PAK4: variants seen among roughly 807,000 people sequenced by gnomAD.
PAK4 encodes serine/threonine-protein kinase PAK 4.
Under a neutral mutation model 53.5 loss-of-function variants are expected in PAK4, and 49 were observed. That is an observed-to-expected ratio of 0.92 (90% CI 0.73 to 1.16). The LOEUF (loss-of-function observed/expected upper bound fraction) is 1.16, where lower values mean the gene tolerates loss of function less well. PAK4 is among the 50% of genes most tolerant of loss of function. The probability of loss-of-function intolerance (pLI) is 0.00; values close to 1 mark genes in which losing one functional copy is unlikely to be tolerated. For synonymous variants in PAK4, 376 were observed against 375.6 expected (o/e 1.00, Z -0.01); for missense variants, 824 against 850.7 (o/e 0.97, Z 0.39).
intron 1 of PAK4, among the ~76,000 whole-genome samples, chr19:39,149,392 A>G (rs932622189): frequency 5.3e-5 from 8 of 152,232 alleles, no homozygotes; most frequent in Non-Finnish European, 1.2e-4. Flanking sequence ...AGCCAGACAC[A>G]GAAGGAGAAA....
intron 1 of PAK4, among the ~76,000 whole-genome samples, chr19:39,163,549 G>A (rs2074319102): frequency 6.6e-6 from 1 of 152,272 alleles, no homozygotes; most frequent in South Asian, 2.1e-4. Context: ...AAGGTCAGAG[G>A]ATGCAGGGGG....
chr19:39,174,066 C>T, intron 4 of PAK4, 56 bp downstream of exon 5: 3 of 1,059,122 alleles, frequency 2.8e-6, no homozygotes, highest in Non-Finnish European at 4.0e-6. Flanking sequence ...CCCTCCCACC[C>T]TCCCTCCCCT....
chr19:39,165,873 C>T (rs936584746), intron 1 of PAK4, among the ~76,000 whole-genome samples: 18 of 152,212 alleles, frequency 1.2e-4, no homozygotes, highest in African/African-American at 4.1e-4. Flanking sequence ...CTCTGCCACC[C>T]TAGCTGGGCC....
intron 1 of PAK4, among the ~76,000 whole-genome samples, chr19:39,144,375 C>T (rs941794336): frequency 7.9e-5 from 12 of 152,196 alleles, no homozygotes; most frequent in Non-Finnish European, 1.6e-4. Context: ...GGAGCCTGCA[C>T]GTAACACTTT....
intron 1 of PAK4, among the ~76,000 whole-genome samples, chr19:39,127,277 T>TC (rs1264145311): frequency 1.3e-5 from 2 of 152,020 alleles, no homozygotes; most frequent in Non-Finnish European, 2.9e-5. Context: ...TGCCCATTTC[T>TC]CCCCAGCCCC....
At chr19:39,150,193 A>T (rs2074071293) in intron 1 of PAK4, among the ~76,000 whole-genome samples, 1 of 151,844 alleles carries the variant, frequency 6.6e-6, no homozygotes, top group Admixed American at 6.6e-5. Context: ...TGTTGCTGTG[A>T]CTGTCCCACC....
At chr19:39,133,863 T>A (rs2073760515) in intron 1 of PAK4, among the ~76,000 whole-genome samples, 1 of 152,206 alleles carries the variant, frequency 6.6e-6, no homozygotes, top group African/African-American at 2.4e-5. Flanking sequence ...CCGGTCTTCC[T>A]GGGCTGCGTG....
At chr19:39,149,368 T>C (rs1321480284) in intron 1 of PAK4, among the ~76,000 whole-genome samples, 1 of 152,222 alleles carries the variant, frequency 6.6e-6, no homozygotes. Flanking sequence ...GAAAACATTA[T>C]GCTTAGTGAA....
intron 6 of PAK4, 142 bp from the exon 8 acceptor site, chr19:39,176,448 C>T: frequency 1.8e-6 from 2 of 1,136,546 alleles, no homozygotes; most frequent in East Asian, 2.4e-5. Context: ...TGGCTCTAGA[C>T]CCCAGCTCTG....
chr19:39,138,015 T>A (rs1182803883), intron 1 of PAK4, among the ~76,000 whole-genome samples: 1 of 149,032 alleles, frequency 6.7e-6, no homozygotes, highest in East Asian at 2.0e-4. Flanking sequence ...AGGGTCTTGC[T>A]CTGTCACCCA....
chr19:39,170,771 C>T lies in PAK4; in HGVS notation c.204+1014C>T, dbSNP rs117934981. On this transcript the variant is annotated intron_variant, in intron 2 of 8. Transcript: ENST00000358301. ...CAATGTGGTAGCCCACTGAGGGGTC[C>T]GTGTGGTCCTTGCAGGGTGCTTTTG... 8.8e-4 allele frequency among the ~76,000 whole-genome samples: 134 copies of T among 152,334 alleles called. 2 individuals are homozygous for T. The East Asian group carries it at 0.024, about 27-fold the overall frequency.
At chr19:39,176,841 G>A in intron 7 of PAK4, 126 bp downstream of exon 8, 1 of 1,142,174 alleles carries the variant, frequency 8.8e-7, no homozygotes, top group East Asian at 2.4e-5. Context: ...CTCTGGACAA[G>A]GAGGTACTGC....
chr19:39,154,902 C>T (rs1168150262), intron 1 of PAK4, among the ~76,000 whole-genome samples: 2 of 152,146 alleles, frequency 1.3e-5, no homozygotes, highest in East Asian at 3.9e-4. Flanking sequence ...CCAGCCCCTC[C>T]TTGGACTTCC....
chr19:39,164,619 C>T (rs2074339234), intron 1 of PAK4, among the ~76,000 whole-genome samples: 1 of 152,160 alleles, frequency 6.6e-6, no homozygotes, highest in Admixed American at 6.6e-5. Context: ...TGGGGACTCT[C>T]AGGCCACGAG....
At position 39,178,239 on chromosome 19, in the gene PAK4, A is replaced by G. The variant is rs567519312; in HGVS notation, c.1621-185A>G. On this transcript the variant is annotated intron_variant, in intron 8 of 8. Transcript: ENST00000358301. This position sits in a 1 kb window ranked among gnomAD's most constrained non-coding sequence, Gnocchi z 4.4. Reference sequence around the variant, plus strand: ...CCTCTGGGGCCACATAGTAAGCGCCATCACAGGTGCCATCACTGTCCCTGT... The same window carrying G: ...CCTCTGGGGCCACATAGTAAGCGCCGTCACAGGTGCCATCACTGTCCCTGT... Among the ~76,000 whole-genome samples, 1 of 152,220 alleles carries G rather than the reference A, an allele frequency of 6.6e-6. No individual in the cohort carries two copies. The highest frequency in any genetic ancestry group is 6.5e-5 in the Admixed American group (1 of 15,292).
chr19:39,126,369 G>A (rs2073577519), intron 1 of PAK4, among the ~76,000 whole-genome samples: 1 of 137,944 alleles, frequency 7.2e-6, no homozygotes, highest in African/African-American at 2.7e-5. Context: ...AAGGTACAAA[G>A]GTGAGAATCT....
In PAK4 at chr19:39,161,739, C is replaced by G. The variant is rs2074288050; in HGVS notation, c.-22-7793C>G. Among the ~76,000 whole-genome samples, 1 of 151,890 alleles carries G rather than the reference C, an allele frequency of 6.6e-6. No homozygotes were observed. The highest frequency in any genetic ancestry group is 2.4e-5 in the African/African-American group (1 of 41,334). On this transcript the variant is annotated intron_variant, in intron 1 of 8. Transcript: ENST00000358301. The surrounding 1 kb of genome is among the most constrained non-coding windows in gnomAD (Gnocchi z 4.5). ...CTGCCCCATTACCTCCTTGGCCTGTCCTTCCACTTGCCCCCTCGCCCACCC... is the reference window on the plus strand; with the variant it reads ...CTGCCCCATTACCTCCTTGGCCTGTGCTTCCACTTGCCCCCTCGCCCACCC...
chr19:39,137,887 C>T (rs374154347), intron 1 of PAK4, among the ~76,000 whole-genome samples: 5 of 152,038 alleles, frequency 3.3e-5, no homozygotes, highest in African/African-American at 1.2e-4. Context: ...AGGATGGTCT[C>T]GATCTCCTGA....
At position 39,173,869 on chromosome 19, in the gene PAK4, C is replaced by T. The variant is rs751324387; in HGVS notation, c.957C>T (p.Ser319=). 6.2e-7 allele frequency: 1 copy of T among 1,612,828 alleles called. No individual in the cohort carries two copies. The highest frequency in any genetic ancestry group is 1.3e-5 in the African/African-American group (1 of 75,030). Residue 319 remains serine (S), a synonymous_variant, in exon 4 of 9, where the codon TCC becomes TCT. Coordinates refer to ENST00000358301, the Ensembl canonical transcript of PAK4. The surrounding 1 kb of genome is among the most constrained non-coding windows in gnomAD (Gnocchi z 6.9). Reference sequence around the variant, plus strand: ...TGGTGGACCCAGGCGACCCCCGCTCCTACCTGGACAACTTCATCAAGATTG... The same window carrying T: ...TGGTGGACCCAGGCGACCCCCGCTCTTACCTGGACAACTTCATCAAGATTG...
Sources: allele counts gnomAD v4.1 joint callset (sites outside exome capture counted in the v4.1 genomes callset), GRCh38; gene constraint gnomAD v4.1.1; non-coding constraint Gnocchi (gnomAD v3.1); transcripts MANE v1.5; gene names NCBI Gene and HGNC (gene_info 2026-07-23, HGNC 2026-07-21).